VPS37A: variants seen among roughly 807,000 people sequenced by gnomAD.
VPS37A encodes the protein vacuolar protein sorting-associated protein 37A.
VPS37A carries 30 observed loss-of-function variants against 49.8 expected under a neutral mutation model. That is an observed-to-expected ratio of 0.60 (90% CI 0.45 to 0.82). The LOEUF is 0.82. VPS37A is among the 40% of genes least tolerant of loss of function. The probability of loss-of-function intolerance (pLI) is 0.00; values close to 1 mark genes in which losing one functional copy is unlikely to be tolerated. For missense variants in VPS37A, 593 were observed against 464.4 expected, an observed-to-expected ratio of 1.28 and a Z score of -2.55; for synonymous variants, 195 against 160.6, an observed-to-expected ratio of 1.21 and a Z score of -1.62.
chr8:17,309,168 G>C, the VPS37A span: 2 of 731,898 alleles, frequency 2.7e-6, no homozygotes, highest in Non-Finnish European at 4.7e-6. Context: ...TTCTGAATAA[G>C]AGACACAAAC....
chr8:17,329,155 A>T, the VPS37A span, among the ~76,000 whole-genome samples: 1 of 152,046 alleles, frequency 6.6e-6, no homozygotes. Flanking sequence ...TCCTCTGCCT[A>T]CCAAGTGACC....
chr8:17,332,819 T>C, the VPS37A span, among the ~76,000 whole-genome samples: 7 of 152,132 alleles, frequency 4.6e-5, no homozygotes, highest in South Asian at 2.1e-4. Flanking sequence ...AACCAACTTA[T>C]AGATATGTAT....
the VPS37A span, among the ~76,000 whole-genome samples, chr8:17,332,188 C>G: frequency 7.2e-5 from 11 of 151,908 alleles, no homozygotes; most frequent in Non-Finnish European, 1.5e-4. Context: ...AGGGCTAACC[C>G]AGGCAGAGAA....
the VPS37A span, among the ~76,000 whole-genome samples, chr8:17,327,046 T>A: frequency 6.6e-6 from 1 of 152,228 alleles, no homozygotes; most frequent in African/African-American, 2.4e-5. Flanking sequence ...GTATAGTGAA[T>A]AAGAATATGC....
At chr8:17,281,903 A>G (rs966343284) in intron 9 of VPS37A, among the ~76,000 whole-genome samples, 2 of 152,064 alleles carry the variant, frequency 1.3e-5, no homozygotes, top group Admixed American at 1.3e-4. Flanking sequence ...ATTTTCTAAG[A>G]CTATTTAGAG....
intron 1 of VPS37A, among the ~76,000 whole-genome samples, chr8:17,253,042 G>A (rs1280824535): frequency 6.6e-6 from 1 of 152,052 alleles, no homozygotes; most frequent in African/African-American, 2.4e-5. Context: ...AATAAAGCAT[G>A]GTACCATTTA....
rs1186677794 is a variant in VPS37A at position 17,297,704 on chromosome 8, T to TTTGA, written c.*2721_*2724dup. The TTTGA allele has an allele frequency of 2.0e-5, 3 of 152,072 alleles. No individual in the cohort carries two copies. The highest frequency in any genetic ancestry group is 4.4e-5 in the Non-Finnish European group (3 of 67,938). The allele number at this position is 152,072 out of a possible 1,614,324, so 9.4% of individuals were successfully genotyped here. A position where few individuals can be genotyped will look rare whatever the true frequency, so the allele number is the denominator to read the frequency against. ...TCAATAAAACACTTCCTGATTAATG[T>TTTGA]TTGATTATTAGATATTTTAGTCTTG... On this transcript the variant is annotated 3_prime_UTR_variant, in exon 12 of 12. Transcript: ENST00000324849.
the VPS37A span, among the ~76,000 whole-genome samples, chr8:17,326,147 C>T: frequency 6.6e-6 from 1 of 152,154 alleles, no homozygotes; most frequent in African/African-American, 2.4e-5. Context: ...CCATTCCAAC[C>T]CACTACCTCG....
chr8:17,269,283 A>G (rs909709578), intron 4 of VPS37A, among the ~76,000 whole-genome samples: 6 of 152,090 alleles, frequency 3.9e-5, no homozygotes, highest in Admixed American at 3.3e-4. Flanking sequence ...GTGAAATTAT[A>G]TCATGATTTT....
chr8:17,290,829 G>A (rs978153718), intron 11 of VPS37A, among the ~76,000 whole-genome samples: 2 of 152,124 alleles, frequency 1.3e-5, no homozygotes, highest in Admixed American at 6.5e-5. Flanking sequence ...TGGTTGGTGA[G>A]CTATTACTGC....
At chr8:17,271,800 G>T (rs534391534) in intron 4 of VPS37A, among the ~76,000 whole-genome samples, 1 of 152,176 alleles carries the variant, frequency 6.6e-6, no homozygotes, top group African/African-American at 2.4e-5. Context: ...CTCTGCCTTG[G>T]CTCTTCCAGA....
chr8:17,313,213 CCATGGCAGAGGGAT>C, the VPS37A span: 1 of 1,024,184 alleles, frequency 9.8e-7, no homozygotes, highest in Non-Finnish European at 1.5e-6. Flanking sequence ...ACAGGGAAGC[CCATGGCAGAGGGAT>C]ACCCATTTTG....
At chr8:17,266,164 AAG>A (rs1208162064) in intron 2 of VPS37A, among the ~76,000 whole-genome samples, 183 bp downstream of exon 2, 1 of 152,202 alleles carries the variant, frequency 6.6e-6, no homozygotes, top group Non-Finnish European at 1.5e-5. Context: ...TGTTATAAGA[AAG>A]AAACTAGAAA....
chr8:17,274,246 T>C (rs1473868689), intron 4 of VPS37A, among the ~76,000 whole-genome samples: 2 of 152,264 alleles, frequency 1.3e-5, no homozygotes, highest in Non-Finnish European at 2.9e-5. Flanking sequence ...TTCAACATTT[T>C]AGAAGCTCAT....
chr8:17,280,821 T>C (rs1814988391), intron 9 of VPS37A, among the ~76,000 whole-genome samples: 1 of 151,816 alleles, frequency 6.6e-6, no homozygotes, highest in Non-Finnish European at 1.5e-5. Context: ...GAATAATATA[T>C]GAAAAATATA....
intron 9 of VPS37A, among the ~76,000 whole-genome samples, chr8:17,282,482 C>G (rs377171379): frequency 9.9e-5 from 15 of 151,586 alleles, no homozygotes; most frequent in African/African-American, 3.6e-4. Flanking sequence ...AGGAAAAACT[C>G]GACATATTTA....
In VPS37A at chr8:17,263,316, A is replaced by C. The variant is rs115284177; in HGVS notation, c.126-2591A>C. The stretch of plus-strand genomic sequence containing the variant: ...TAAAAGTATTAAAATAGCAACATTC[A>C]AAATCACATTTGTGATGAATATTCA... On this transcript the variant is annotated intron_variant, in intron 1 of 11. Transcript: ENST00000324849. Among the ~76,000 whole-genome samples the C allele has an allele frequency of 3.1e-3, 466 of 152,332 alleles. 6 individuals are homozygous for C. The highest frequency in any genetic ancestry group is 0.011 in the African/African-American group (445 of 41,578).
chr8:17,309,102 G>A, the VPS37A span, among the ~76,000 whole-genome samples: 131 of 152,186 alleles, frequency 8.6e-4, 2 homozygotes, highest in African/African-American at 3.1e-3. Context: ...TTACCAAAAG[G>A]AATCAGTTAT....
intron 11 of VPS37A, among the ~76,000 whole-genome samples, chr8:17,287,996 A>G (rs1181802824): frequency 1.3e-5 from 2 of 152,166 alleles, no homozygotes; most frequent in African/African-American, 2.4e-5. Flanking sequence ...CCAGTAAACT[A>G]TTTCTGCTCC....
Sources: gnomAD v4.1 joint callset for allele counts (sites outside exome capture counted in the v4.1 genomes callset) on GRCh38, gnomAD v4.1.1 for gene constraint, MANE v1.5 for transcripts, NCBI Gene and HGNC (gene_info 2026-07-23, HGNC 2026-07-21) for gene names.